The following HAT1 variants were observed in gnomAD, a reference collection of about 807,000 sequenced individuals.
The protein encoded by HAT1 is histone acetyltransferase type B catalytic subunit.
HAT1 carries 20 observed loss-of-function variants against 56.6 expected under a neutral mutation model. The observed-to-expected ratio is 0.35, with a 90% CI of 0.25 to 0.51. HAT1 has a LOEUF of 0.51. HAT1 is among the 20% of genes least tolerant of loss of function. The probability of loss-of-function intolerance (pLI) is 0.95; values close to 1 mark genes in which losing one functional copy is unlikely to be tolerated. For missense variants in HAT1, 408 were observed against 504.3 expected (o/e 0.81, Z 1.83); for synonymous variants, 146 against 165.5 (o/e 0.88, Z 0.91).
chr2:171,979,225 A>G (rs1444356312), intron 9 of HAT1, 22 bp from the exon 10 acceptor site: 1 of 1,134,768 alleles, frequency 8.8e-7, no homozygotes, highest in Non-Finnish European at 1.3e-6. Context: ...AAATGTTCGC[A>G]TTTTCTTTTG....
chr2:171,938,132 T>A (rs558190508), intron 2 of HAT1, among the ~76,000 whole-genome samples: 2 of 150,292 alleles, frequency 1.3e-5, no homozygotes, highest in African/African-American at 4.9e-5. Context: ...TGGCTCACAC[T>A]TATAATCCCA....
chr2:171,923,908 T>C (rs555235473), intron 1 of HAT1: 3 of 152,330 alleles, frequency 2.0e-5, no homozygotes, highest in African/African-American at 7.2e-5. Context: ...TGAGCTAATA[T>C]ATGATTTCAC....
intron 2 of HAT1, among the ~76,000 whole-genome samples, chr2:171,929,546 A>G (rs2105964390): frequency 6.6e-6 from 1 of 152,266 alleles, no homozygotes; most frequent in East Asian, 1.9e-4. Flanking sequence ...TGTCTACCCC[A>G]AGGAGATCAT....
chr2:171,944,403 TA>T (rs1428925552), intron 2 of HAT1, among the ~76,000 whole-genome samples: 4 of 152,196 alleles, frequency 2.6e-5, no homozygotes, highest in Non-Finnish European at 5.9e-5. Flanking sequence ...AATTGGAAGG[TA>T]AAAAGCTTGA....
At chr2:171,953,815 T>C (rs1269987105) in intron 4 of HAT1, among the ~76,000 whole-genome samples, 2 of 151,044 alleles carry the variant, frequency 1.3e-5, no homozygotes, top group South Asian at 4.2e-4. Context: ...GCCAACATGG[T>C]GAAACCCCGT....
intron 2 of HAT1, among the ~76,000 whole-genome samples, chr2:171,930,161 A>T (rs1018432120): frequency 2.6e-5 from 4 of 152,098 alleles, no homozygotes; most frequent in African/African-American, 9.7e-5. Context: ...TAAAAATGGT[A>T]TACTTTTTTA....
chr2:171,968,613 A>G (rs1410977595), intron 8 of HAT1, among the ~76,000 whole-genome samples: 3 of 152,196 alleles, frequency 2.0e-5, no homozygotes, highest in Admixed American at 6.5e-5. Context: ...AAGACTAAAC[A>G]TGCTAAAGGA....
At chr2:171,932,979 T>C (rs972855500) in intron 2 of HAT1, among the ~76,000 whole-genome samples, 3 of 152,240 alleles carry the variant, frequency 2.0e-5, no homozygotes, top group Non-Finnish European at 4.4e-5. Flanking sequence ...ATCTTACTGA[T>C]CTTTTCAGCA....
At chr2:171,971,292 T>C (rs1431311768) in intron 8 of HAT1, among the ~76,000 whole-genome samples, 1 of 152,258 alleles carries the variant, frequency 6.6e-6, no homozygotes, top group African/African-American at 2.4e-5. Flanking sequence ...TATTGAGGTA[T>C]AATTTCCAGA....
intron 8 of HAT1, among the ~76,000 whole-genome samples, chr2:171,972,486 A>C (rs6748243): frequency 6.6e-6 from 1 of 152,098 alleles, no homozygotes; most frequent in Non-Finnish European, 1.5e-5. Flanking sequence ...GCTGGTCTTG[A>C]ACTCCAGGGC....
At chr2:171,971,546 C>T (rs905375636) in intron 8 of HAT1, among the ~76,000 whole-genome samples, 21 of 152,244 alleles carry the variant, frequency 1.4e-4, no homozygotes, top group East Asian at 3.9e-4. Context: ...ATTTGTTGAA[C>T]GGAGTGTCTT....
chr2:171,934,648 A>C (rs1351651010), intron 2 of HAT1, among the ~76,000 whole-genome samples: 1 of 152,062 alleles, frequency 6.6e-6, no homozygotes, highest in Non-Finnish European at 1.5e-5. Context: ...GGTAGCACTA[A>C]GGGCCCACTT....
At chr2:171,943,878 G>C (rs1415385918) in intron 2 of HAT1, among the ~76,000 whole-genome samples, 3 of 151,848 alleles carry the variant, frequency 2.0e-5, no homozygotes. Context: ...TCCAGGCATG[G>C]TGGCTCATGC....
At chr2:171,979,761 T>G (rs1688087733) in intron 10 of HAT1, 3 of 156,904 alleles carry the variant, frequency 1.9e-5, no homozygotes, top group African/African-American at 7.3e-5. Context: ...GAGCCAAGAT[T>G]GCACCATTGC....
Position 171,955,180 on chromosome 2 carries a change from G to A in HAT1, c.309+2179G>A, listed in dbSNP as rs6757917. On this transcript the variant is annotated intron_variant, in intron 4 of 10. Coordinates refer to ENST00000264108, the MANE Select transcript of HAT1 (RefSeq NM_003642.4). ...CGAATACAGGTTTTCATACCAGGAAGTGGGATGCTGCTATAACCAATAACT... is the reference window on the plus strand; with the variant it reads ...CGAATACAGGTTTTCATACCAGGAAATGGGATGCTGCTATAACCAATAACT... Among the ~76,000 whole-genome samples the A allele has an allele frequency of 2.5e-3, 379 of 152,342 alleles. 2 individuals carry two copies. Among genetic ancestry groups the A allele is most frequent in the African/African-American group, 8.6e-3 (359 of 41,572 alleles).
chr2:171,954,989 C>G (rs1687403738), intron 4 of HAT1, among the ~76,000 whole-genome samples: 1 of 152,172 alleles, frequency 6.6e-6, no homozygotes, highest in African/African-American at 2.4e-5. Flanking sequence ...TCACTAGAAG[C>G]TGGAAGAAGA....
chr2:171,965,719 T>G lies in HAT1; in HGVS notation c.490-68T>G. 3 of 1,475,660 alleles carry G rather than the reference T, an allele frequency of 2.0e-6. No homozygotes were observed. The East Asian group carries it at 6.8e-5, about 33-fold the overall frequency. The allele number at this position is 1,475,660 out of a possible 1,614,324, so 91.4% of individuals were successfully genotyped here. On this transcript the variant is annotated intron_variant, in intron 5 of 10. Transcript: ENST00000264108. Reference sequence around the variant, plus strand: ...TAAACATTTTCCCACAGGATAATTTTGTGTTCTGCGGACTTTCACTTACCT... The same window carrying G: ...TAAACATTTTCCCACAGGATAATTTGGTGTTCTGCGGACTTTCACTTACCT...
At chr2:171,971,832 G>A (rs1431577310) in intron 8 of HAT1, among the ~76,000 whole-genome samples, 5 of 152,222 alleles carry the variant, frequency 3.3e-5, no homozygotes, top group Non-Finnish European at 5.9e-5. Flanking sequence ...GCTCGATGGT[G>A]TAGGGTTAAA....
intron 4 of HAT1, among the ~76,000 whole-genome samples, chr2:171,959,011 C>A (rs1257514704): frequency 1.3e-5 from 2 of 152,134 alleles, no homozygotes; most frequent in Middle Eastern, 3.4e-3. Context: ...TCCCCACTTC[C>A]CAGCCATGTT....
Sources: allele counts gnomAD v4.1 joint callset (sites outside exome capture counted in the v4.1 genomes callset), GRCh38; gene constraint gnomAD v4.1.1; transcripts MANE v1.5; gene names NCBI Gene and HGNC (gene_info 2026-07-23, HGNC 2026-07-21).